Variants in ZNF385D observed in about 807,000 individuals in gnomAD.
ZNF385D encodes zinc finger protein 385D, also known as zinc finger protein 659.
ZNF385D carries 15 observed loss-of-function variants against 35.8 expected under a neutral mutation model. That is an observed-to-expected ratio of 0.42 (90% CI 0.28 to 0.64). ZNF385D has a LOEUF of 0.64. ZNF385D is among the 30% of genes least tolerant of loss of function. The pLI is 0.23. For synonymous variants in ZNF385D, 212 were observed against 186.8 expected (o/e 1.13, Z -1.10); for missense variants, 474 against 494.6 (o/e 0.96, Z 0.39).
chr3:21,544,143 T>G lies in ZNF385D; in HGVS notation c.276+20431A>C, dbSNP rs185785595. Among the ~76,000 whole-genome samples, 16 of 152,304 alleles carry G rather than the reference T, an allele frequency of 1.1e-4. No homozygotes were observed. The East Asian group carries it at 2.9e-3, about 28-fold the overall frequency. ...TCACGTGGCTTTAATCTTTAAGAAA[T>G]AAAAACAGCCCTAAAGACTTAGTAA... is the stretch of plus-strand genomic sequence containing the variant. On this transcript the variant is annotated intron_variant, in intron 3 of 7. Coordinates refer to ENST00000281523, the MANE Select transcript of ZNF385D (RefSeq NM_024697.3).
intron 3 of ZNF385D, among the ~76,000 whole-genome samples, chr3:22,030,021 C>A (rs1439955599): frequency 2.0e-5 from 3 of 151,416 alleles, no homozygotes; most frequent in Admixed American, 6.6e-5. Context: ...CTGGTGGGCA[C>A]AGCCTAATCA....
chr3:22,074,879 T>C (rs1700390891), intron 3 of ZNF385D, among the ~76,000 whole-genome samples: 1 of 151,886 alleles, frequency 6.6e-6, no homozygotes, highest in Non-Finnish European at 1.5e-5. Flanking sequence ...ACTTTCTTCA[T>C]TCTATTAATT....
chr3:21,749,096 AC>A (rs1251437366), intron 1 of ZNF385D, among the ~76,000 whole-genome samples: 1 of 152,204 alleles, frequency 6.6e-6, no homozygotes, highest in Non-Finnish European at 1.5e-5. Context: ...TGTTCAAGAC[AC>A]TGAGGGCAAC....
chr3:21,639,466 A>G (rs774830609), intron 2 of ZNF385D, among the ~76,000 whole-genome samples: 9 of 152,092 alleles, frequency 5.9e-5, no homozygotes, highest in Non-Finnish European at 1.2e-4. Flanking sequence ...CTTAAAATGC[A>G]ATTTTATATA....
chr3:22,329,235 GTTGT>G (rs1432804090), intron 2 of ZNF385D, among the ~76,000 whole-genome samples: 8 of 151,076 alleles, frequency 5.3e-5, no homozygotes, highest in Admixed American at 4.0e-4. Context: ...ATGGTGAGGT[GTTGT>G]TTATTTGAAA....
At chr3:21,496,300 A>G (rs899576679) in intron 4 of ZNF385D, among the ~76,000 whole-genome samples, 7 of 146,454 alleles carry the variant, frequency 4.8e-5, no homozygotes, top group Admixed American at 1.4e-4. Flanking sequence ...TTTATGTATT[A>G]TATATATTTA....
At chr3:21,560,464 C>T (rs973918444) in intron 3 of ZNF385D, among the ~76,000 whole-genome samples, 1 of 152,242 alleles carries the variant, frequency 6.6e-6, no homozygotes, top group African/African-American at 2.4e-5. Context: ...CTGGGTATCA[C>T]CAGCAGAGGC....
At chr3:22,029,454 G>A (rs1460579803) in intron 3 of ZNF385D, among the ~76,000 whole-genome samples, 5 of 152,124 alleles carry the variant, frequency 3.3e-5, no homozygotes, top group South Asian at 2.1e-4. Context: ...AAAAACCCGC[G>A]ACCTGCTGAG....
At chr3:21,980,284 A>G (rs1373638568) in intron 3 of ZNF385D, among the ~76,000 whole-genome samples, 1 of 152,146 alleles carries the variant, frequency 6.6e-6, no homozygotes, top group African/African-American at 2.4e-5. Context: ...CGGTAACTTC[A>G]CAAGAAACCG....
chr3:21,526,100 C>G (rs1214753605), intron 3 of ZNF385D, among the ~76,000 whole-genome samples: 1 of 151,956 alleles, frequency 6.6e-6, no homozygotes, highest in Admixed American at 6.6e-5. Flanking sequence ...CTGTAATTAG[C>G]TAATTTAATG....
intron 3 of ZNF385D, among the ~76,000 whole-genome samples, chr3:21,924,259 A>T (rs1249805215): frequency 2.6e-5 from 4 of 152,228 alleles, no homozygotes; most frequent in Admixed American, 1.3e-4. Context: ...TTAAAGGTGA[A>T]GAGAAGAAGG....
chr3:22,361,524 A>C (rs1696407465), intron 2 of ZNF385D, among the ~76,000 whole-genome samples: 1 of 152,054 alleles, frequency 6.6e-6, no homozygotes, highest in Non-Finnish European at 1.5e-5. Context: ...CCTATCTTGG[A>C]GTACATTTTG....
At chr3:21,843,917 T>A (rs549645310) in intron 3 of ZNF385D, among the ~76,000 whole-genome samples, 97 of 151,992 alleles carry the variant, frequency 6.4e-4, no homozygotes, top group African/African-American at 2.3e-3. Flanking sequence ...GGAACAAAGT[T>A]GAAACAGACA....
intron 3 of ZNF385D, among the ~76,000 whole-genome samples, chr3:21,524,371 C>G (rs886977039): frequency 1.1e-4 from 16 of 152,176 alleles, no homozygotes; most frequent in African/African-American, 3.6e-4. Context: ...TCAGCTGCAA[C>G]ATTTGAATGA....
In ZNF385D at chr3:21,542,100, G is replaced by A. The variant is rs149723936; in HGVS notation, c.276+22474C>T. ...AAACTCGGAGGCTTCTACAAAACAA[G>A]CTTTCAGAATCATAAGAACAAGTTT... On this transcript the variant is annotated intron_variant, in intron 3 of 7. Coordinates refer to ENST00000281523, the MANE Select transcript of ZNF385D (RefSeq NM_024697.3). 1.5e-4 allele frequency among the ~76,000 whole-genome samples: 23 copies of A among 152,110 alleles called. No homozygotes were observed. The East Asian group carries it at 4.3e-3, about 28-fold the overall frequency.
intron 3 of ZNF385D, among the ~76,000 whole-genome samples, chr3:22,161,489 A>C (rs1030123385): frequency 2.0e-5 from 3 of 152,078 alleles, no homozygotes; most frequent in Admixed American, 2.0e-4. Context: ...TTAGTCATGC[A>C]GTCTGTATTG....
Position 22,368,586 on chromosome 3 carries a change from G to A in ZNF385D, c.106+3864C>T, listed in dbSNP as rs114471879. Among the ~76,000 whole-genome samples the A allele has an allele frequency of 9.0e-3, 1,371 of 152,288 alleles. 10 individuals are homozygous for A. The highest frequency in any genetic ancestry group is 0.014 in the Non-Finnish European group (952 of 68,020). On this transcript the variant is annotated intron_variant, in intron 2 of 5. Coordinates refer to the ZNF385D transcript ENST00000494108. ...GAAGACCAGGATCTTGGTGCCAGCA[G>A]ATTCAATGACTGCGGTGGGCCCTCT...
intron 3 of ZNF385D, among the ~76,000 whole-genome samples, chr3:22,091,290 C>G (rs779678802): frequency 6.6e-6 from 1 of 152,152 alleles, no homozygotes. Flanking sequence ...TAAACCATAG[C>G]ACTGAGAAAT....
chr3:22,368,028 C>A (rs900902269), intron 2 of ZNF385D, among the ~76,000 whole-genome samples: 54 of 152,302 alleles, frequency 3.5e-4, no homozygotes, highest in Middle Eastern at 6.8e-3. Context: ...AATGAAAATT[C>A]TCTTACTGAA....
Sources: gnomAD v4.1 joint callset for allele counts (sites outside exome capture counted in the v4.1 genomes callset) on GRCh38, gnomAD v4.1.1 for gene constraint, MANE v1.5 for transcripts, NCBI Gene and HGNC (gene_info 2026-07-23, HGNC 2026-07-21) for gene names.